The following GPC5 variants were observed in gnomAD, a reference collection of about 807,000 sequenced individuals.
GPC5 encodes glypican 5.
GPC5 carries 47 observed loss-of-function variants against 53.9 expected under a neutral mutation model. That is an observed-to-expected ratio of 0.87 (90% CI 0.69 to 1.11). The LOEUF (loss-of-function observed/expected upper bound fraction) is 1.11, where lower values mean the gene tolerates loss of function less well. Ranked by LOEUF, GPC5 falls within the 50% of genes most tolerant of loss-of-function variation. The pLI, the probability that GPC5 is intolerant of heterozygous loss-of-function variation, is 0.00. For synonymous variants in GPC5, 286 were observed against 263.3 expected (o/e 1.09, Z -0.84); for missense variants, 748 against 713.1 (o/e 1.05, Z -0.56).
chr13:92,783,902 G>T (rs1876121744), intron 7 of GPC5, among the ~76,000 whole-genome samples: 1 of 152,036 alleles, frequency 6.6e-6, no homozygotes, highest in South Asian at 2.1e-4. Flanking sequence ...GAAAGAAAAT[G>T]CACTAAGAAC....
intron 5 of GPC5, among the ~76,000 whole-genome samples, chr13:91,760,358 G>A (rs1437035880): frequency 6.6e-6 from 1 of 152,164 alleles, no homozygotes; most frequent in Non-Finnish European, 1.5e-5. Flanking sequence ...GCAGTGATCT[G>A]TGGTGAAAAG....
At chr13:91,926,127 C>T (rs1041755685) in intron 6 of GPC5, among the ~76,000 whole-genome samples, 22 of 151,862 alleles carry the variant, frequency 1.4e-4, no homozygotes, top group East Asian at 3.9e-4. Context: ...CTCTGGGAGG[C>T]GAGGCAGGCG....
At chr13:91,593,068 C>T (rs1214762785) in intron 2 of GPC5, among the ~76,000 whole-genome samples, 3 of 152,208 alleles carry the variant, frequency 2.0e-5, no homozygotes, top group Non-Finnish European at 4.4e-5. Context: ...CAGATACCCA[C>T]ATCAGCCTAG....
intron 2 of GPC5, among the ~76,000 whole-genome samples, chr13:91,682,570 C>G (rs146854181): frequency 3.0e-4 from 46 of 152,262 alleles, no homozygotes; most frequent in African/African-American, 1.0e-3. Context: ...TCAGAATGTA[C>G]AGAGGCCCCT....
At chr13:91,607,829 G>A (rs2033422372) in intron 2 of GPC5, among the ~76,000 whole-genome samples, 1 of 152,166 alleles carries the variant, frequency 6.6e-6, no homozygotes, top group Non-Finnish European at 1.5e-5. Context: ...TTAAGGCGTG[G>A]ACCTTTAATT....
intron 5 of GPC5, among the ~76,000 whole-genome samples, chr13:91,865,819 C>T (rs2039077193): frequency 6.6e-6 from 1 of 152,104 alleles, no homozygotes; most frequent in African/African-American, 2.4e-5. Flanking sequence ...CTCATCCCAT[C>T]CCTCTACTAC....
At chr13:92,454,710 T>C (rs1018636002) in intron 7 of GPC5, among the ~76,000 whole-genome samples, 5 of 152,168 alleles carry the variant, frequency 3.3e-5, no homozygotes, top group African/African-American at 1.2e-4. Context: ...GAGCCAAAGA[T>C]GGAGCCTTTG....
In GPC5 at chr13:91,976,856, A is replaced by G. The variant is rs946551583; in HGVS notation, c.1401+68799A>G. Among the ~76,000 whole-genome samples, 10 of 152,134 alleles carry G rather than the reference A, an allele frequency of 6.6e-5. No individual in the cohort carries two copies. The East Asian group carries it at 1.3e-3, about 20-fold the overall frequency. On this transcript the variant is annotated intron_variant, in intron 6 of 7. Transcript: ENST00000377067. ...GGAGTTTGAGATCAGCCTGGCCAACATGGTGAAACCCCGTCTCTACTAAAA... is the reference window on the plus strand; with the variant it reads ...GGAGTTTGAGATCAGCCTGGCCAACGTGGTGAAACCCCGTCTCTACTAAAA...
At chr13:91,884,368 T>C (rs1594639886) in intron 5 of GPC5, among the ~76,000 whole-genome samples, 1 of 152,150 alleles carries the variant, frequency 6.6e-6, no homozygotes, top group Non-Finnish European at 1.5e-5. Context: ...ATCAATGGTA[T>C]ACTGGATAAA....
chr13:92,684,416 G>A (rs1295842999), intron 7 of GPC5, among the ~76,000 whole-genome samples: 3 of 151,756 alleles, frequency 2.0e-5, no homozygotes, highest in African/African-American at 4.8e-5. Flanking sequence ...GACTACAGGC[G>A]TGCATCACCA....
intron 7 of GPC5, among the ~76,000 whole-genome samples, chr13:92,228,212 A>C (rs1303472511): frequency 2.0e-5 from 3 of 149,508 alleles, no homozygotes; most frequent in African/African-American, 7.4e-5. Flanking sequence ...TGAAAAAAAA[A>C]TCTCGGTATC....
At chr13:92,808,237 T>A (rs78707332) in intron 7 of GPC5, among the ~76,000 whole-genome samples, 2,817 of 152,202 alleles carry the variant, frequency 0.019, 107 homozygotes, top group African/African-American at 0.065. Context: ...ATAGATTTTG[T>A]AATGCTTTGA....
intron 7 of GPC5, among the ~76,000 whole-genome samples, chr13:92,815,995 G>A (rs1877459561): frequency 6.6e-6 from 1 of 151,822 alleles, no homozygotes; most frequent in African/African-American, 2.4e-5. Context: ...AAAACCCTAG[G>A]GTTCTGGGGA....
intron 1 of GPC5, among the ~76,000 whole-genome samples, chr13:91,421,139 C>T (rs74106740): frequency 0.011 from 1,743 of 152,240 alleles, 37 homozygotes; most frequent in African/African-American, 0.041. Context: ...CCGTAGTCAC[C>T]AGGAGGTGAA....
At chr13:92,405,646 G>T (rs543570691) in intron 7 of GPC5, among the ~76,000 whole-genome samples, 7 of 152,048 alleles carry the variant, frequency 4.6e-5, no homozygotes, top group Non-Finnish European at 8.8e-5. Context: ...AGTATTTAAA[G>T]CTCCTAATAT....
At chr13:91,459,051 A>T (rs1050395813) in intron 2 of GPC5, among the ~76,000 whole-genome samples, 16 of 151,758 alleles carry the variant, frequency 1.1e-4, no homozygotes, top group African/African-American at 3.6e-4. Context: ...GACTTTGGGG[A>T]CTCGTGAGGA....
intron 5 of GPC5, among the ~76,000 whole-genome samples, chr13:91,792,492 G>C (rs1342521022): frequency 2.0e-5 from 3 of 152,212 alleles, no homozygotes; most frequent in Non-Finnish European, 4.4e-5. Context: ...CATTATAATA[G>C]AGTGACCACT....
At chr13:91,901,449 A>G (rs892481284) in intron 5 of GPC5, among the ~76,000 whole-genome samples, 1 of 152,054 alleles carries the variant, frequency 6.6e-6, no homozygotes, top group Non-Finnish European at 1.5e-5. Flanking sequence ...GGCACATAAA[A>G]TCAATCATAT....
chr13:92,284,250 G>A lies in GPC5; in HGVS notation c.1561+139261G>A, dbSNP rs924318430. 9.2e-5 allele frequency among the ~76,000 whole-genome samples: 14 copies of A among 151,554 alleles called. No homozygotes were observed. The East Asian group carries it at 2.7e-3, about 29-fold the overall frequency. On this transcript the variant is annotated intron_variant, in intron 7 of 7. Transcript: ENST00000377067. ...TCTGAAATTGAGTCAATAATTAATA[G>A]CCTACCAACCAAAAAAAAGTCCAGG...
Sources: gnomAD v4.1 joint callset for allele counts (sites outside exome capture counted in the v4.1 genomes callset) on GRCh38, gnomAD v4.1.1 for gene constraint, MANE v1.5 for transcripts, NCBI Gene and HGNC (gene_info 2026-07-23, HGNC 2026-07-21) for gene names.